The following ZNF14 variants were observed in gnomAD, a reference collection of about 807,000 sequenced individuals.
ZNF14 encodes zinc finger protein 14, also known as gonadotropin inducible transcription repressor-4.
ZNF14 carries 9 observed loss-of-function variants against 11.3 expected under a neutral mutation model. The observed-to-expected ratio is 0.80, with a 90% confidence interval of 0.48 to 1.39. The LOEUF is 1.39. ZNF14 is among the 40% of genes most tolerant of loss of function. The pLI is 0.00. For missense variants in ZNF14, 711 were observed against 763.9 expected, an observed-to-expected ratio of 0.93 and a Z score of 0.82; for synonymous variants, 239 against 245.7, an observed-to-expected ratio of 0.97 and a Z score of 0.25.
At position 19,711,494 on chromosome 19, in the gene ZNF14, A is replaced by G. The variant is rs774031355; in HGVS notation, c.1787T>C (p.Phe596Ser). Residue 596 changes from phenylalanine (F) to serine (S), a missense_variant, in exon 4 of 4, where the codon TTC becomes TCC. By Grantham distance (155) the Phe-to-Ser change is radical. Transcript: ENST00000344099. ...AATTCGAACAGAACTTGAAAATCTG[A>G]AGGCTTTCCCACATTGTTTACATCG... is the stretch of plus-strand genomic sequence containing the variant. ...PYRCKQCGKA[F>S]RFSSSVRIHE... The G allele has an allele frequency of 1.1e-5, 17 of 1,613,814 alleles. No individual in the cohort carries two copies. In the Middle Eastern group the frequency reaches 8.2e-4, roughly 78 times the overall value.
intron 1 of ZNF14, among the ~76,000 whole-genome samples, 195 bp downstream of exon 1, chr19:19,732,761 C>T (rs916082431): frequency 6.6e-6 from 1 of 152,214 alleles, no homozygotes; most frequent in Non-Finnish European, 1.5e-5. Context: ...CGAGGTCGCC[C>T]CGCGGGGACG....
rs866339678 is a variant in ZNF14, at chr19:19,712,617, G to A, written c.664C>T (p.Pro222Ser). Residue 222 changes from proline (P) to serine (S), a missense_variant, in exon 4 of 4, where the codon CCC becomes TCC. Physicochemically the swap from Pro to Ser is moderately conservative, Grantham distance 74. Coordinates refer to ENST00000344099, the MANE Select transcript of ZNF14 (RefSeq NM_021030.3). The stretch of plus-strand genomic sequence containing the variant: ...TTCCCACACTGTTTACATTCATAGG[G>A]TTTCTTTCCAGTATGAGCATGTTTT... Reference protein sequence around the residue: ...FQKHAHTGKKPYECKQCGKAF... With the variant: ...FQKHAHTGKKSYECKQCGKAF... 2 of 1,613,850 alleles carry A rather than the reference G, an allele frequency of 1.2e-6. No individual in the cohort carries two copies. Among genetic ancestry groups the A allele is most frequent in the Non-Finnish European group, 1.7e-6 (2 of 1,179,950 alleles).
At chr19:19,729,593 G>A (rs1303383193) in intron 1 of ZNF14, among the ~76,000 whole-genome samples, 4 of 152,114 alleles carry the variant, frequency 2.6e-5, no homozygotes, top group Non-Finnish European at 5.9e-5. Flanking sequence ...TGGGATTACA[G>A]GCATGAGCCA....
chr19:19,728,388 C>T lies in ZNF14; in HGVS notation c.3+4568G>A, dbSNP rs1425210355. Among the ~76,000 whole-genome samples the T allele has an allele frequency of 1.6e-5, 2 of 124,994 alleles. 1 individual carries two copies. Among genetic ancestry groups the T allele is most frequent in the Non-Finnish European group, 3.5e-5 (2 of 57,096 alleles). The allele number at this position is 124,994 out of a possible 152,430, so 82.0% of individuals were successfully genotyped here. A position where few individuals can be genotyped will look rare whatever the true frequency, so the allele number is the denominator to read the frequency against. On this transcript the variant is annotated intron_variant, in intron 1 of 3. Coordinates refer to ENST00000344099, the MANE Select transcript of ZNF14 (RefSeq NM_021030.3). ...AAAAGTAGCCAGGCATGGTGGCAGG[C>T]ACCTGTAATCCCAGCTACTCAGGAG... is the stretch of plus-strand genomic sequence containing the variant.
Position 19,726,046 on chromosome 19 carries a change from T to A in ZNF14, c.3+6910A>T, listed in dbSNP as rs187942188. Among the ~76,000 whole-genome samples, 17 of 134,604 alleles carry A rather than the reference T, an allele frequency of 1.3e-4. 2 individuals are homozygous for A. Among genetic ancestry groups the A allele is most frequent in the Admixed American group, 3.6e-4 (5 of 13,724 alleles). The allele number at this position is 134,604 out of a possible 152,430, so 88.3% of individuals were successfully genotyped here. A position where few individuals can be genotyped will look rare whatever the true frequency, so the allele number is the denominator to read the frequency against. The stretch of plus-strand genomic sequence containing the variant: ...AACATCCTCCTTTAGCTCAGAGAAG[T>A]TTGTTATTACCAGTCATCTGAAGCC... On this transcript the variant is annotated intron_variant, in intron 1 of 3. Transcript: ENST00000344099.
intron 1 of ZNF14, among the ~76,000 whole-genome samples, chr19:19,727,701 A>G (rs2062410122): frequency 7.5e-6 from 1 of 133,942 alleles, no homozygotes. Flanking sequence ...TTTGAAATGA[A>G]TGCCTAAAGA....
intron 1 of ZNF14, among the ~76,000 whole-genome samples, chr19:19,717,713 T>C (rs1198814522): frequency 6.6e-6 from 1 of 152,218 alleles, no homozygotes; most frequent in African/African-American, 2.4e-5. Context: ...GTATCTTTCT[T>C]ATCATATCAC....
At chr19:19,714,832 C>T (rs1954090193) in intron 1 of ZNF14, among the ~76,000 whole-genome samples, 1 of 151,682 alleles carries the variant, frequency 6.6e-6, no homozygotes, top group South Asian at 2.1e-4. Context: ...GTGCCCCAGC[C>T]TCCTAAGTAG....
intron 1 of ZNF14, among the ~76,000 whole-genome samples, chr19:19,729,272 G>A (rs565520539): frequency 3.3e-5 from 5 of 150,284 alleles, no homozygotes; most frequent in South Asian, 4.2e-4. Flanking sequence ...CATTGTGCCT[G>A]GCCCACCCAA....
At chr19:19,723,734 GCTA>G (rs1215908572) in intron 1 of ZNF14, among the ~76,000 whole-genome samples, 1 of 132,838 alleles carries the variant, frequency 7.5e-6, no homozygotes, top group Non-Finnish European at 1.7e-5. Context: ...TGGTTGGTAC[GCTA>G]CTAACTGTTG....
chr19:19,714,270 A>C, intron 2 of ZNF14, 91 bp downstream of exon 2: 1 of 1,598,138 alleles, frequency 6.3e-7, no homozygotes. Flanking sequence ...TTCCCTTTCC[A>C]CATTTCAAAT....
chr19:19,730,638 C>T (rs1456501718), intron 1 of ZNF14, among the ~76,000 whole-genome samples: 1 of 152,142 alleles, frequency 6.6e-6, no homozygotes, highest in Non-Finnish European at 1.5e-5. Context: ...ACAGGCCGGG[C>T]GCAGTGGCTC....
intron 1 of ZNF14, among the ~76,000 whole-genome samples, chr19:19,722,063 CT>C: frequency 6.6e-6 from 1 of 152,140 alleles, no homozygotes; most frequent in East Asian, 1.9e-4. Flanking sequence ...ATCAGAGTGA[CT>C]TTACTGTCTT....
intron 1 of ZNF14, among the ~76,000 whole-genome samples, chr19:19,722,339 C>T (rs2062395304): frequency 1.3e-5 from 2 of 152,162 alleles, no homozygotes; most frequent in African/African-American, 4.8e-5. Context: ...GGAATCCTTT[C>T]CCCATTTCTT....
chr19:19,711,291 C>G lies in ZNF14; in HGVS notation c.*61G>C. On this transcript the variant is annotated 3_prime_UTR_variant, in exon 4 of 4. Coordinates refer to ENST00000344099, the MANE Select transcript of ZNF14 (RefSeq NM_021030.3). The stretch of plus-strand genomic sequence containing the variant: ...TCACACAGCTTCTGTCCAGTATGAA[C>G]TCTTTTGTGTATTCAGAAGGAGCTG... The G allele has an allele frequency of 6.7e-7, 1 of 1,500,414 alleles. No individual in the cohort carries two copies. Among genetic ancestry groups the G allele is most frequent in the Non-Finnish European group, 8.9e-7 (1 of 1,122,406 alleles). The allele number at this position is 1,500,414 out of a possible 1,614,324, so 92.9% of individuals were successfully genotyped here.
chr19:19,714,521 G>GT, intron 1 of ZNF14, 34 bp from the exon 2 acceptor site: 1 of 1,594,426 alleles, frequency 6.3e-7, no homozygotes, highest in Non-Finnish European at 8.5e-7. Context: ...CAGAGGATGG[G>GT]TAAGACTGGC....
At chr19:19,715,305 C>A (rs2062374847) in intron 1 of ZNF14, among the ~76,000 whole-genome samples, 1 of 152,204 alleles carries the variant, frequency 6.6e-6, no homozygotes, top group East Asian at 1.9e-4. Flanking sequence ...CTGTGGAAAG[C>A]TAAATTGTCA....
chr19:19,714,273 T>C lies in ZNF14; in HGVS notation c.130+88A>G. On this transcript the variant is annotated intron_variant, in intron 2 of 3. Transcript: ENST00000344099. ...ATCACTGAAAGATTCCCTTTCCACA[T>C]TTCAAATCTTGGAACACAGCTGTTG... is the stretch of plus-strand genomic sequence containing the variant. 3 of 1,599,750 alleles carry C rather than the reference T, an allele frequency of 1.9e-6. No individual in the cohort carries two copies. In the Admixed American group the frequency reaches 5.2e-5, roughly 28 times the overall value.
chr19:19,712,934 G>A lies in ZNF14; in HGVS notation c.347C>T (p.Ser116Leu), dbSNP rs766727484. 51 of 1,613,988 alleles carry A rather than the reference G, an allele frequency of 3.2e-5. No homozygotes were observed. The highest frequency in any genetic ancestry group is 3.2e-5 in the Non-Finnish European group (38 of 1,180,024). ...SFCGRDFIHH[S>L]SLNRHMRSHT... is the part of the protein sequence containing the mutation. The stretch of plus-strand genomic sequence containing the variant: ...AGATCTCATGTGCCTATTAAGGGAC[G>A]AATGATGAATGAAGTCTCTTCCACA... The change falls in exon 4 of 4, where the codon TCG becomes TTG. Residue 116 changes from serine to leucine, a missense_variant. By Grantham distance (145) the Ser-to-Leu change is moderately radical. Coordinates refer to ENST00000344099, the MANE Select transcript of ZNF14 (RefSeq NM_021030.3).
Sources: gnomAD v4.1 joint callset for allele counts (sites outside exome capture counted in the v4.1 genomes callset) on GRCh38, gnomAD v4.1.1 for gene constraint, MANE v1.5 for transcripts, NCBI Gene and HGNC (gene_info 2026-07-23, HGNC 2026-07-21) for gene names.